The following CAPNS1 variants were observed in gnomAD, a reference collection of about 807,000 sequenced individuals.
The protein encoded by CAPNS1 is CANP small subunit.
Under a neutral mutation model 39.2 loss-of-function variants are expected in CAPNS1, and 32 were observed. The ratio of observed to expected loss-of-function variants is 0.82; its 90% CI spans 0.62 to 1.10. CAPNS1 has a LOEUF of 1.10. CAPNS1 is among the 50% of genes least tolerant of loss of function. The pLI, the probability that CAPNS1 is intolerant of heterozygous loss-of-function variation, is 0.00. For synonymous variants in CAPNS1, 153 were observed against 136.2 expected (o/e 1.12, Z -0.86); for missense variants, 353 against 373.1 (o/e 0.95, Z 0.44).
chr19:36,144,915 C>G (rs1462731783), intron 6 of CAPNS1, among the ~76,000 whole-genome samples: 1 of 152,190 alleles, frequency 6.6e-6, no homozygotes, highest in Non-Finnish European at 1.5e-5. Context: ...AGTATGTGGT[C>G]TGTACACATT....
chr19:36,149,666 C>T (rs1244765465), intron 10 of CAPNS1, 30 bp downstream of exon 10: 3 of 1,589,730 alleles, frequency 1.9e-6, no homozygotes, highest in East Asian at 2.4e-5. Flanking sequence ...GGTATGGGTG[C>T]CTGGGAGGAC....
intron 6 of CAPNS1, among the ~76,000 whole-genome samples, chr19:36,144,647 G>A (rs764886434): frequency 2.0e-5 from 3 of 152,228 alleles, no homozygotes; most frequent in Middle Eastern, 3.2e-3. Context: ...GCCTCCCAAA[G>A]TGTTGGGATT....
rs1319750467 is a variant in CAPNS1 at position 36,140,927 on chromosome 19, A to C, written c.-15-70A>C. Reference sequence around the variant, plus strand: ...GATTCCTCCCAGGTCCAGCTGCCGGAAATGCGTGTTTGAAGGGAGGGTGTG... The same window carrying C: ...GATTCCTCCCAGGTCCAGCTGCCGGCAATGCGTGTTTGAAGGGAGGGTGTG... On this transcript the variant is annotated intron_variant, in intron 1 of 10. Transcript: ENST00000246533. 7.0e-6 allele frequency: 11 copies of C among 1,574,352 alleles called. No individual in the cohort carries two copies. In the Admixed American group the frequency reaches 2.0e-4, roughly 28 times the overall value.
intron 1 of CAPNS1, chr19:36,140,487 T>A: frequency 6.5e-6 from 1 of 153,120 alleles, no homozygotes; most frequent in Non-Finnish European, 1.5e-5. Flanking sequence ...GCCACGATCT[T>A]AGACCCGAGC....
intron 1 of CAPNS1, 134 bp from the exon 2 acceptor site, chr19:36,140,863 C>A: frequency 2.1e-6 from 3 of 1,409,112 alleles, no homozygotes; most frequent in Non-Finnish European, 2.9e-6. Flanking sequence ...CCGCGGACAA[C>A]CCGCCCTCGC....
chr19:36,141,038 GGGCGGC>G lies in CAPNS1; in HGVS notation c.42_47del (p.Gly19_Gly20del), dbSNP rs747214647. 1.7e-5 allele frequency: 26 copies of G among 1,539,396 alleles called. No homozygotes were observed. Among genetic ancestry groups the G allele is most frequent in the South Asian group, 6.8e-5 (6 of 87,728 alleles). ...TGTTCCTGGTTAACTCGTTCTTGAA[GGGCGGC>G]GGCGGCGGCGGCGGGGGAGGCGGGG... On this transcript the variant is annotated inframe_deletion, in exon 2 of 11. Transcript: ENST00000246533.
At chr19:36,140,904 T>A (rs960837994) in intron 1 of CAPNS1, 93 bp from the exon 2 acceptor site, 2 of 1,560,490 alleles carry the variant, frequency 1.3e-6, no homozygotes, top group Non-Finnish European at 1.7e-6. Context: ...AGGCTTCAGA[T>A]TCCTCCCAGG....
intron 1 of CAPNS1, chr19:36,140,791 C>A: frequency 1.7e-6 from 1 of 579,334 alleles, no homozygotes; most frequent in Non-Finnish European, 2.9e-6. Flanking sequence ...CCTCAAGCCC[C>A]ACGGGTGCCT....
intron 6 of CAPNS1, 179 bp from the exon 7 acceptor site, chr19:36,145,627 A>G (rs1267660030): frequency 6.9e-6 from 4 of 581,782 alleles, no homozygotes; most frequent in African/African-American, 1.9e-5. Context: ...AATGTAAGTG[A>G]CAATATGTAT....
chr19:36,141,430 C>G (rs1365116871), intron 2 of CAPNS1: 3 of 1,318,488 alleles, frequency 2.3e-6, no homozygotes, highest in African/African-American at 1.6e-5. Context: ...GGGGGCGGTG[C>G]TTGATATGGG....
chr19:36,143,146 G>C lies in CAPNS1; in HGVS notation c.456+18G>C, dbSNP rs768612238. ...TGATGGATGTATCCTTGGGGGCAGT[G>C]TGGGAGAGGCCCTGGGTGGACAGAG... On this transcript the variant is annotated intron_variant, in intron 6 of 10. Transcript: ENST00000246533. 2.5e-6 allele frequency: 4 copies of C among 1,612,190 alleles called. No individual in the cohort carries two copies. The South Asian group carries it at 3.3e-5, about 13-fold the overall frequency.
intron 10 of CAPNS1, 45 bp from the exon 11 acceptor site, chr19:36,149,768 G>A: frequency 6.3e-7 from 1 of 1,575,404 alleles, no homozygotes; most frequent in South Asian, 1.2e-5. Context: ...AGGGGCTGGT[G>A]CTCTTGGGGT....
Position 36,142,339 on chromosome 19 carries a change from C to T in CAPNS1, c.243+6C>T. On this transcript the variant is annotated splice_donor_region_variant and intron_variant, in intron 3 of 10. Transcript: ENST00000246533. ...AGTACAACCCGGAGCCCCCGGTAAG[C>T]CCCCTCTGCAACCAGACCCCCTTCT... 2.0e-6 allele frequency: 3 copies of T among 1,497,860 alleles called. No homozygotes were observed. Among genetic ancestry groups the T allele is most frequent in the Non-Finnish European group, 2.7e-6 (3 of 1,100,976 alleles). 92.8% of individuals were successfully genotyped at this position (1,497,860 alleles called of 1,614,324 possible).
intron 6 of CAPNS1, chr19:36,144,215 A>C (rs1462500312): frequency 6.6e-6 from 1 of 151,108 alleles, no homozygotes; most frequent in Non-Finnish European, 1.5e-5. Flanking sequence ...AAATAACAAT[A>C]ACAAAAATTA....
chr19:36,142,247 C>G, intron 2 of CAPNS1, 53 bp from the exon 3 acceptor site: 1 of 1,221,680 alleles, frequency 8.2e-7, no homozygotes, highest in Non-Finnish European at 1.2e-6. Context: ...TGTAGTGCTG[C>G]CCGTTGGAGG....
Position 36,142,650 on chromosome 19 carries a change from AG to A in CAPNS1, c.244-1del. On this transcript the variant is annotated splice_acceptor_variant, in intron 3 of 10. Coordinates refer to ENST00000246533, the MANE Select transcript of CAPNS1 (RefSeq NM_001749.4). LOFTEE classifies it high-confidence loss of function. ...CTGCTCTGAGCTCTCCTCCCTTTGC[AG>A]CCCCCACGCACACATTACTCCAACA... The A allele has an allele frequency of 6.2e-7, 1 of 1,613,560 alleles. No homozygotes were observed. Among genetic ancestry groups the A allele is most frequent in the South Asian group, 1.1e-5 (1 of 91,048 alleles).
intron 2 of CAPNS1, 81 bp downstream of exon 2, chr19:36,141,301 TAA>T: frequency 7.0e-7 from 1 of 1,430,220 alleles, no homozygotes; most frequent in Non-Finnish European, 9.1e-7. Flanking sequence ...GGGCGTGGTC[TAA>T]AAATAGAATA....
Position 36,142,335 on chromosome 19 carries a change from TA to T in CAPNS1, c.243+4del. On this transcript the variant is annotated splice_donor_region_variant and intron_variant, in intron 3 of 10. Transcript: ENST00000246533. ...GCGCAGTACAACCCGGAGCCCCCGG[TA>T]AGCCCCCTCTGCAACCAGACCCCCT... 1 of 1,413,586 alleles carries T rather than the reference TA, an allele frequency of 7.1e-7. No individual in the cohort carries two copies. The highest frequency in any genetic ancestry group is 9.5e-7 in the Non-Finnish European group (1 of 1,055,436). 87.6% of individuals were successfully genotyped at this position (1,413,586 alleles called of 1,614,324 possible).
rs775549350 is a variant in CAPNS1 at position 36,146,081 on chromosome 19, C to T, written c.604+27C>T. On this transcript the variant is annotated intron_variant, in intron 8 of 10. Transcript: ENST00000246533. ...TATGGCTGGCAGGGACATGCTGGGG[C>T]TGGGAGTGGGATGGGTGAGAAAACC... is the stretch of plus-strand genomic sequence containing the variant. 9.9e-6 allele frequency: 16 copies of T among 1,610,484 alleles called. No homozygotes were observed. In the South Asian group the frequency reaches 1.5e-4, roughly 15 times the overall value.
Sources: allele counts gnomAD v4.1 joint callset (sites outside exome capture counted in the v4.1 genomes callset), GRCh38; gene constraint gnomAD v4.1.1; transcripts MANE v1.5; gene names NCBI Gene and HGNC (gene_info 2026-07-23, HGNC 2026-07-21).